Variants in NBR1 observed in about 807,000 individuals in gnomAD.
NBR1 encodes NBR1 autophagy cargo receptor.
Under a neutral mutation model 115.5 loss-of-function variants are expected in NBR1, and 59 were observed. That is an observed-to-expected ratio of 0.51 (90% confidence interval 0.41 to 0.63). The LOEUF (loss-of-function observed/expected upper bound fraction) is 0.63, where lower values mean the gene tolerates loss of function less well. Ranked by LOEUF, NBR1 falls within the 30% of genes least tolerant of loss-of-function variation. The pLI is 0.00. For missense variants in NBR1, 1,043 were observed against 1,150.5 expected, an observed-to-expected ratio of 0.91 and a Z score of 1.35; for synonymous variants, 373 against 414.7, an observed-to-expected ratio of 0.90 and a Z score of 1.22.
intron 12 of NBR1, 49 bp from the exon 13 acceptor site, chr17:43,194,301 T>C (rs769437204): frequency 3.3e-6 from 5 of 1,532,692 alleles, no homozygotes; most frequent in Middle Eastern, 1.7e-4. Flanking sequence ...GCCTGCCTCT[T>C]CAGTTCTGTT....
At position 43,210,687 on chromosome 17, in the gene NBR1, C is replaced by T. The variant is rs2057401479; in HGVS notation, c.*613C>T. ...CCATGGTGCATTCAAGAGTATCCAA[C>T]TTCAAGGGAATCTCCGCATTTCAAT... On this transcript the variant is annotated 3_prime_UTR_variant, in exon 21 of 21. Coordinates refer to ENST00000590996, the MANE Select transcript of NBR1 (RefSeq NM_005899.5). 1 of 398,386 alleles carries T rather than the reference C, an allele frequency of 2.5e-6. No individual in the cohort carries two copies. The highest frequency in any genetic ancestry group is 2.1e-5 in the African/African-American group (1 of 48,608). The allele number at this position is 398,386 out of a possible 1,614,324, so 24.7% of individuals were successfully genotyped here. A position where few individuals can be genotyped will look rare whatever the true frequency, so the allele number is the denominator to read the frequency against.
intron 1 of NBR1, among the ~76,000 whole-genome samples, chr17:43,174,036 G>A (rs1250677881): frequency 2.0e-5 from 3 of 152,000 alleles, no homozygotes; most frequent in African/African-American, 7.3e-5. Context: ...TCTGATTAAG[G>A]AATTGTTAAC....
At position 43,190,828 on chromosome 17, in the gene NBR1, G is replaced by T. The variant is rs1176721024; in HGVS notation, c.863+52G>T. The T allele has an allele frequency of 2.6e-6, 4 of 1,516,094 alleles. No homozygotes were observed. The African/African-American group carries it at 5.5e-5, about 21-fold the overall frequency. The allele number at this position is 1,516,094 out of a possible 1,614,324, so 93.9% of individuals were successfully genotyped here. ...ATTCTCTGATTGACTTCTTGGTTCT[G>T]GTGACAGGGTATGAATCACAAAACT... On this transcript the variant is annotated intron_variant, in intron 9 of 20. Coordinates refer to ENST00000590996, the MANE Select transcript of NBR1 (RefSeq NM_005899.5).
In NBR1 at chr17:43,211,305, G is replaced by T. The variant is rs948271129; in HGVS notation, c.*1231G>T. ...TCCATGAAAATGACTTCCAGAAAAG[G>T]AAGAATATGAACCCCAGACCGAAGG... On this transcript the variant is annotated 3_prime_UTR_variant, in exon 21 of 21. Coordinates refer to ENST00000590996, the MANE Select transcript of NBR1 (RefSeq NM_005899.5). The T allele has an allele frequency of 6.6e-6, 1 of 152,624 alleles. No individual in the cohort carries two copies. The highest frequency in any genetic ancestry group is 1.5e-5 in the Non-Finnish European group (1 of 68,056). 9.5% of individuals were successfully genotyped at this position (152,624 alleles called of 1,614,324 possible).
intron 8 of NBR1, chr17:43,190,070 A>T (rs1597987601): frequency 1.5e-5 from 6 of 399,496 alleles, no homozygotes; most frequent in East Asian, 4.9e-5. Context: ...CACTAAGGGT[A>T]GTTCCTCGGT....
chr17:43,174,368 G>C (rs1567842708), intron 1 of NBR1, among the ~76,000 whole-genome samples: 3 of 152,118 alleles, frequency 2.0e-5, no homozygotes, highest in Admixed American at 2.0e-4. Flanking sequence ...AGGCCGAGGT[G>C]GGTGGAATCA....
chr17:43,205,570 AAG>A (rs2057297750), intron 20 of NBR1, among the ~76,000 whole-genome samples: 1 of 152,102 alleles, frequency 6.6e-6, no homozygotes, highest in South Asian at 2.1e-4. Flanking sequence ...CCGGTCTAAG[AAG>A]AGGAGTAAGA....
At chr17:43,187,472 G>A (rs796845195) in intron 6 of NBR1, among the ~76,000 whole-genome samples, 1 of 144,850 alleles carries the variant, frequency 6.9e-6, no homozygotes, top group African/African-American at 2.5e-5. Context: ...GAGCCACCGC[G>A]CCCGGCCTCC....
rs1203739715 is a variant in NBR1, at chr17:43,191,376, C to T, written c.868C>T (p.Gln290Ter). ...LPAALEQVRL[Q>*]KQVDKNFLKA... ...CTTGCTTTTATTATCTCACAGGCTCCAGAAACAGGTTGATAAGAACTTTCT... is the reference window on the plus strand; with the variant it reads ...CTTGCTTTTATTATCTCACAGGCTCTAGAAACAGGTTGATAAGAACTTTCT... Residue 290 changes from glutamine to a stop codon, truncating the protein, a stop_gained, in exon 10 of 21, where the codon CAG becomes TAG. Coordinates refer to ENST00000590996, the MANE Select transcript of NBR1 (RefSeq NM_005899.5). LOFTEE classifies it high-confidence loss of function. 1 of 1,610,824 alleles carries T rather than the reference C, an allele frequency of 6.2e-7. No individual in the cohort carries two copies. The highest frequency in any genetic ancestry group is 8.5e-7 in the Non-Finnish European group (1 of 1,177,734).
intron 20 of NBR1, 139 bp downstream of exon 20, chr17:43,203,925 C>G (rs1598014517): frequency 2.3e-6 from 1 of 429,022 alleles, no homozygotes; most frequent in African/African-American, 2.0e-5. Flanking sequence ...TAACACACAA[C>G]ACAACTCTGC....
intron 16 of NBR1, 135 bp from the exon 17 acceptor site, chr17:43,200,032 C>T: frequency 1.4e-6 from 1 of 689,944 alleles, no homozygotes; most frequent in Non-Finnish European, 2.4e-6. Context: ...CCAGAACCAG[C>T]CCTTCCCTTT....
In NBR1 at chr17:43,189,658, A is replaced by G. The variant is rs780167775; in HGVS notation, c.551A>G (p.Gln184Arg). Residue 184 changes from glutamine to arginine, a missense_variant, in exon 8 of 21, where the codon CAG becomes CGG. Coordinates refer to ENST00000590996, the MANE Select transcript of NBR1 (RefSeq NM_005899.5). ...EQKLHEKLVL[Q>R]NPSLGSCPSE... ...AAATTACATGAAAAGCTTGTCCTCC[A>G]GAACCCATCCTTGGGTTCTTGTCCC... is the stretch of plus-strand genomic sequence containing the variant. The G allele has an allele frequency of 1.2e-6, 2 of 1,614,038 alleles. No individual in the cohort carries two copies. Among genetic ancestry groups the G allele is most frequent in the East Asian group, 4.5e-5 (2 of 44,888 alleles).
At chr17:43,193,060 C>A in intron 10 of NBR1, 34 bp from the exon 11 acceptor site, 1 of 1,606,348 alleles carries the variant, frequency 6.2e-7, no homozygotes, top group Non-Finnish European at 8.5e-7. Context: ...TCACACCCAA[C>A]AGCAAGTGAC....
rs2057071192 is a variant in NBR1 at position 43,196,502 on chromosome 17, C to T, written c.1772C>T (p.Pro591Leu). ...TPVDVTPCMS[P>L]LPHDSPLIEK... ...CCAGATGTGACTCCCTGCATGTCTC[C>T]TCTGCCACATGACAGTCCTTTAATA... The change falls in exon 15 of 21, where the codon CCT becomes CTT. Residue 591 changes from proline (P) to leucine (L), a missense_variant. Physicochemically the swap from Pro to Leu is moderately conservative, Grantham distance 98 (BLOSUM62 -3). Transcript: ENST00000590996. 6.3e-7 allele frequency: 1 copy of T among 1,590,596 alleles called. No individual in the cohort carries two copies. The highest frequency in any genetic ancestry group is 1.4e-5 in the African/African-American group (1 of 73,762).
intron 1 of NBR1, 87 bp from the exon 2 acceptor site, chr17:43,175,704 G>A: frequency 1.6e-6 from 1 of 632,872 alleles, no homozygotes; most frequent in South Asian, 2.1e-5. Context: ...GTCCTCACAA[G>A]TATTTGCTGA....
intron 8 of NBR1, 65 bp from the exon 9 acceptor site, chr17:43,190,528 CATAGAAGTATGGTCTT>C (rs1468890940): frequency 6.8e-7 from 1 of 1,469,374 alleles, no homozygotes; most frequent in Admixed American, 2.0e-5. Flanking sequence ...CTGGAGCAAA[CATAGAAGTATGGTCTT>C]ATATCTCCCT....
At chr17:43,201,256 A>G (rs1193165442) in intron 17 of NBR1, among the ~76,000 whole-genome samples, 5 of 152,216 alleles carry the variant, frequency 3.3e-5, no homozygotes, top group African/African-American at 9.6e-5. Flanking sequence ...ACTCAACCCA[A>G]ACAGTCATAA....
intron 18 of NBR1, 94 bp downstream of exon 18, chr17:43,201,874 G>C (rs1489976334): frequency 1.3e-6 from 1 of 782,016 alleles, no homozygotes; most frequent in Non-Finnish European, 2.1e-6. Flanking sequence ...ATTCTTGGTG[G>C]TTTTTTGAAA....
At chr17:43,172,147 C>G (rs1015723998) in intron 1 of NBR1, among the ~76,000 whole-genome samples, 1 of 152,198 alleles carries the variant, frequency 6.6e-6, no homozygotes, top group African/African-American at 2.4e-5. Context: ...GTTATGAAAG[C>G]TGAAGGCCTA....
Sources: gnomAD v4.1 joint callset for allele counts (sites outside exome capture counted in the v4.1 genomes callset) on GRCh38, gnomAD v4.1.1 for gene constraint, MANE v1.5 for transcripts, NCBI Gene and HGNC (gene_info 2026-07-23, HGNC 2026-07-21) for gene names.